ZNF469: variants seen among roughly 807,000 people sequenced by gnomAD.
ZNF469 encodes zinc finger protein 469.
In ZNF469, 1 loss-of-function variant was observed where a neutral mutation model predicts 1.0. The ratio of observed to expected loss-of-function variants is 1.00; its 90% CI spans 0.35 to 4.73. ZNF469 has a LOEUF of 4.73. Ranked by LOEUF, ZNF469 falls within the 30% of genes most tolerant of loss-of-function variation. The pLI, the probability that ZNF469 is intolerant of heterozygous loss-of-function variation, is 0.16. For synonymous variants in ZNF469, 2,703 were observed against 2,363.4 expected, an observed-to-expected ratio of 1.14 and a Z score of -4.17; for missense variants, 6,100 against 5,356.3, an observed-to-expected ratio of 1.14 and a Z score of -4.33.
At chr16:88,379,394 C>G (rs1046938123), upstream of ZNF469, among the ~76,000 whole-genome samples, 42 of 152,272 alleles carry the variant, frequency 2.8e-4, no homozygotes, top group African/African-American at 1.0e-3. Context: ...AGCCCCTGCT[C>G]CCTGCAGAGC....
Position 88,434,161 on chromosome 16 carries a change from G to A in ZNF469, c.6691G>A (p.Gly2231Ser), listed in dbSNP as rs1162933012. Reference sequence around the variant, plus strand: ...GGAAGACCCTTCCTCCTGGCCTCCTGGCTCCGTCAGTGCTGTAACCTGCAC... The same window carrying A: ...GGAAGACCCTTCCTCCTGGCCTCCTAGCTCCGTCAGTGCTGTAACCTGCAC... ...PLEDPSSWPPGSVSAVTCTHS... is the reference protein window; with the variant it reads ...PLEDPSSWPPSSVSAVTCTHS... Residue 2231 changes from glycine to serine, a missense_variant, in exon 3 of 3, where the codon GGC (glycine) becomes AGC (serine). Gly to Ser is a moderately conservative substitution (Grantham distance 56, BLOSUM62 0). Transcript: ENST00000565624. 5.2e-6 allele frequency: 8 copies of A among 1,550,296 alleles called. No homozygotes were observed. In the East Asian group the frequency reaches 2.0e-4, roughly 38 times the overall value.
chr16:88,361,161 C>T, the ZNF469 span, among the ~76,000 whole-genome samples: 23 of 152,114 alleles, frequency 1.5e-4, no homozygotes, highest in Non-Finnish European at 1.0e-4. Flanking sequence ...CCCTCACATG[C>T]GCAGTTCACA....
intron 1 of ZNF469, among the ~76,000 whole-genome samples, chr16:88,396,870 A>G (rs1256956385): frequency 6.8e-6 from 1 of 147,346 alleles, no homozygotes; most frequent in African/African-American, 2.5e-5. Context: ...GGCCGGGAGG[A>G]CACCCTCCTG....
rs1363403007 is a variant in ZNF469 at position 88,431,366 on chromosome 16, G to A, written c.3896G>A (p.Gly1299Asp). ...GGAAGCTCGCCAACGCCAGGTGTGG[G>A]CAGCCTGCTGGGTGGTCCTGGGGGC... ...PHGSSPTPGV[G>D]SLLGGPGGTQ... Residue 1299 changes from glycine (G) to aspartate (D), a missense_variant, in exon 3 of 3, where the codon GGC becomes GAC. Physicochemically the swap from Gly to Asp is moderately conservative, Grantham distance 94. Coordinates refer to ENST00000565624, the MANE Select transcript of ZNF469 (RefSeq NM_001367624.2). 4 of 1,549,748 alleles carry A rather than the reference G, an allele frequency of 2.6e-6. No homozygotes were observed. The highest frequency in any genetic ancestry group is 2.7e-5 in the African/African-American group (2 of 73,052).
At position 88,427,461 on chromosome 16, in the gene ZNF469, C is replaced by T. The variant is rs894917949; in HGVS notation, c.-10C>T. ...CAGCTGCGTCGTCCTAGCGCCAGGA[C>T]GGAGGGGCCATGCCTGGGGAGCGCC... On this transcript the variant is annotated 5_prime_UTR_variant, in exon 3 of 3. In the 5' UTR this introduces an upstream ATG that the reference lacks. Transcript: ENST00000565624. The T allele has an allele frequency of 1.1e-5, 17 of 1,493,852 alleles. No individual in the cohort carries two copies. The highest frequency in any genetic ancestry group is 1.1e-4 in the African/African-American group (8 of 71,994). The allele number at this position is 1,493,852 out of a possible 1,614,324, so 92.5% of individuals were successfully genotyped here.
At chr16:88,128,178 C>T in the ZNF469 span, among the ~76,000 whole-genome samples, 1 of 151,920 alleles carries the variant, frequency 6.6e-6, no homozygotes, top group Admixed American at 6.6e-5. Context: ...ATGCCTGAGC[C>T]GCTGAGGATG....
the ZNF469 span, among the ~76,000 whole-genome samples, chr16:88,147,368 A>G: frequency 6.6e-6 from 1 of 151,946 alleles, no homozygotes; most frequent in African/African-American, 2.4e-5. Context: ...AAGTCAGTCC[A>G]TGTTGTTTTA....
chr16:88,433,332 C>G lies in ZNF469; in HGVS notation c.5862C>G (p.Pro1954=), dbSNP rs201666199. 2.7e-4 allele frequency: 419 copies of G among 1,550,300 alleles called. 1 individual carries two copies. The East Asian group carries it at 9.4e-3, about 35-fold the overall frequency. ...AAGGAGGGAAGGTGGCCTGTGGCCC[C>G]GCCCAGGGCTCCCCAGGGGGTGTGC... is the stretch of plus-strand genomic sequence containing the variant. ...TVEGGKVACG[P]AQGSPGGVQV... Residue 1954 remains proline, a synonymous_variant, in exon 3 of 3, where the codon CCC becomes CCG. Transcript: ENST00000565624.
chr16:88,265,092 C>T, the ZNF469 span, among the ~76,000 whole-genome samples: 6 of 152,062 alleles, frequency 3.9e-5, no homozygotes, highest in African/African-American at 9.7e-5. Context: ...GCTGCCACTC[C>T]GCCCTCATCC....
At chr16:88,270,221 C>T in the ZNF469 span, among the ~76,000 whole-genome samples, 1 of 152,206 alleles carries the variant, frequency 6.6e-6, no homozygotes, top group Non-Finnish European at 1.5e-5. Flanking sequence ...CCCTGCTCCC[C>T]ACCCTGGGCC....
At position 88,430,290 on chromosome 16, in the gene ZNF469, C is replaced by A; in HGVS notation, c.2820C>A (p.Ser940Arg). The change falls in exon 3 of 3, where the codon AGC (serine) becomes AGA (arginine). Residue 940 changes from serine (S) to arginine (R), a missense_variant. Transcript: ENST00000565624. ...GLAPTEADAP[S>R]QGRQQRRGKQ... ...CCCCCACCGAGGCGGATGCGCCCAG[C>A]CAGGGCAGGCAGCAGAGGAGGGGGA... The A allele has an allele frequency of 1.3e-6, 2 of 1,513,680 alleles. No individual in the cohort carries two copies. Among genetic ancestry groups the A allele is most frequent in the South Asian group, 1.2e-5 (1 of 80,418 alleles). The allele number at this position is 1,513,680 out of a possible 1,614,324, so 93.8% of individuals were successfully genotyped here.
chr16:88,256,787 T>C, the ZNF469 span, among the ~76,000 whole-genome samples: 1 of 152,156 alleles, frequency 6.6e-6, no homozygotes, highest in Admixed American at 6.6e-5. Context: ...TTATTTTAAT[T>C]TGCATTTCCC....
the ZNF469 span, among the ~76,000 whole-genome samples, chr16:88,149,601 A>G: frequency 5.3e-5 from 8 of 152,112 alleles, no homozygotes; most frequent in African/African-American, 1.7e-4. Context: ...AAAAGTAGCA[A>G]GGGGACTGAT....
intron 1 of ZNF469, among the ~76,000 whole-genome samples, chr16:88,414,898 G>A (rs1401982889): frequency 2.6e-5 from 4 of 152,222 alleles, no homozygotes; most frequent in Non-Finnish European, 4.4e-5. Context: ...AGGGGAGCAC[G>A]GCCAGGCCTC....
At chr16:88,352,569 G>C in the ZNF469 span, among the ~76,000 whole-genome samples, 1 of 152,246 alleles carries the variant, frequency 6.6e-6, no homozygotes, top group Non-Finnish European at 1.5e-5. Flanking sequence ...CTGTGTCCTT[G>C]TCTGTACAAC....
At chr16:88,164,592 T>C in the ZNF469 span, among the ~76,000 whole-genome samples, 1 of 152,150 alleles carries the variant, frequency 6.6e-6, no homozygotes, top group Non-Finnish European at 1.5e-5. Context: ...GTTGATACTC[T>C]GAGTTTTTTC....
At chr16:88,394,205 A>G (rs1475954263) in intron 1 of ZNF469, among the ~76,000 whole-genome samples, 18,618 of 105,104 alleles carry the variant, frequency 0.18, 5,867 homozygotes, top group Middle Eastern at 0.23. Flanking sequence ...GGAGGAGCGG[A>G]GTTTGACACA....
chr16:88,433,517 C>A lies in ZNF469; in HGVS notation c.6047C>A (p.Ala2016Asp). Residue 2016 changes from alanine to aspartate, a missense_variant, in exon 3 of 3, where the codon GCC becomes GAC. Physicochemically the swap from Ala to Asp is moderately radical, Grantham distance 126. Coordinates refer to ENST00000565624, the MANE Select transcript of ZNF469 (RefSeq NM_001367624.2). Reference protein sequence around the residue: ...GVSPGGTDNHASVNASPKTAL... With the variant: ...GVSPGGTDNHDSVNASPKTAL... ...AGCCCAGGGGGCACGGACAACCACG[C>A]CTCAGTCAATGCCAGTCCCAAAACA... The A allele has an allele frequency of 3.2e-6, 5 of 1,550,296 alleles. No homozygotes were observed. Among genetic ancestry groups the A allele is most frequent in the Non-Finnish European group, 4.4e-6 (5 of 1,146,892 alleles).
the ZNF469 span, among the ~76,000 whole-genome samples, chr16:88,318,361 C>T: frequency 9.2e-5 from 14 of 152,230 alleles, no homozygotes; most frequent in East Asian, 1.3e-3. Flanking sequence ...CGCTGCCCCC[C>T]CTTCCTCCTC....
Sources: allele counts gnomAD v4.1 joint callset (sites outside exome capture counted in the v4.1 genomes callset), GRCh38; gene constraint gnomAD v4.1.1; transcripts MANE v1.5; gene names NCBI Gene and HGNC (gene_info 2026-07-23, HGNC 2026-07-21).